Variants in RFX3 observed in about 807,000 individuals in gnomAD.
RFX3 encodes the protein regulatory factor X3, also known as transcription factor RFX3.
Under a neutral mutation model 98.6 loss-of-function variants are expected in RFX3, and 14 were observed. The ratio of observed to expected loss-of-function variants is 0.14; its 90% CI spans 0.09 to 0.22. The LOEUF (loss-of-function observed/expected upper bound fraction) is 0.22, where lower values mean the gene tolerates loss of function less well. Among genes scored for constraint, RFX3 ranks in the 10% least tolerant of loss-of-function variants. The pLI is 1.00. For missense variants in RFX3, 639 were observed against 926.9 expected, an observed-to-expected ratio of 0.69 and a Z score of 4.03; for synonymous variants, 383 against 328.4, an observed-to-expected ratio of 1.17 and a Z score of -1.80.
chr9:3,355,861 G>A (rs59203588), intron 2 of RFX3, among the ~76,000 whole-genome samples: 7,157 of 151,752 alleles, frequency 0.047, 514 homozygotes, highest in African/African-American at 0.15. Flanking sequence ...CATTAAATTC[G>A]AAATCGAGGA....
intron 2 of RFX3, among the ~76,000 whole-genome samples, chr9:3,365,415 A>T (rs1359315160): frequency 1.3e-5 from 2 of 152,200 alleles, no homozygotes; most frequent in Non-Finnish European, 2.9e-5. Flanking sequence ...ATACACTATA[A>T]ATTATACTCT....
At chr9:3,474,552 A>G (rs527750895) in intron 1 of RFX3, among the ~76,000 whole-genome samples, 1 of 152,310 alleles carries the variant, frequency 6.6e-6, no homozygotes, top group South Asian at 2.1e-4. Context: ...TTTTAAAATT[A>G]AAGTTAAAAG....
intron 3 of RFX3, among the ~76,000 whole-genome samples, chr9:3,338,945 C>T (rs71506635): frequency 0.17 from 26,294 of 151,612 alleles, 2,320 homozygotes; most frequent in Middle Eastern, 0.23. Context: ...AAAAATTAGC[C>T]GGGCGTGGTG....
At position 3,306,267 on chromosome 9, in the gene RFX3, C is replaced by G. The variant is rs1214165740; in HGVS notation, c.475-4647G>C. On this transcript the variant is annotated intron_variant, in intron 4 of 16. Transcript: ENST00000617270. ...ATTATATCCCCATAGCTTCATGCAA[C>G]AAAAATGATTAGGTTACGAGTCAGC... 4.6e-5 allele frequency among the ~76,000 whole-genome samples: 7 copies of G among 152,042 alleles called. No individual in the cohort carries two copies. The East Asian group carries it at 7.8e-4, about 17-fold the overall frequency.
chr9:3,468,425 G>C (rs1006920030), intron 1 of RFX3, among the ~76,000 whole-genome samples: 2 of 152,092 alleles, frequency 1.3e-5, no homozygotes, highest in Admixed American at 6.6e-5. Flanking sequence ...TCATGAATCT[G>C]CTCTACAATT....
At chr9:3,244,934 A>T (rs1406797675) in intron 15 of RFX3, among the ~76,000 whole-genome samples, 7 of 152,174 alleles carry the variant, frequency 4.6e-5, no homozygotes, top group Admixed American at 4.6e-4. Context: ...TGCACAATAA[A>T]AACTTGTTAA....
chr9:3,424,101 C>CA (rs1843723880), intron 1 of RFX3, among the ~76,000 whole-genome samples: 1 of 149,918 alleles, frequency 6.7e-6, no homozygotes, highest in Non-Finnish European at 1.5e-5. Flanking sequence ...GAGCTGAGAT[C>CA]GCGCCACTAC....
chr9:3,274,282 C>T (rs1213290731), intron 9 of RFX3, among the ~76,000 whole-genome samples: 1 of 152,158 alleles, frequency 6.6e-6, no homozygotes, highest in East Asian at 1.9e-4. Context: ...AGCTAAGAAC[C>T]TCTTACTGCA....
chr9:3,450,419 A>G (rs775321747), intron 1 of RFX3, among the ~76,000 whole-genome samples: 16 of 152,084 alleles, frequency 1.1e-4, no homozygotes, highest in Non-Finnish European at 1.9e-4. Context: ...TCTTTCCTTA[A>G]CAAAACATTC....
chr9:3,282,874 T>C (rs1183106218), intron 7 of RFX3, among the ~76,000 whole-genome samples: 1 of 151,786 alleles, frequency 6.6e-6, no homozygotes, highest in Non-Finnish European at 1.5e-5. Flanking sequence ...CAAAATTAAG[T>C]GGTCCTCAGT....
At chr9:3,516,747 T>C (rs1322980011) in intron 1 of RFX3, among the ~76,000 whole-genome samples, 1 of 152,206 alleles carries the variant, frequency 6.6e-6, no homozygotes, top group Non-Finnish European at 1.5e-5. Context: ...TCTCTCTCTC[T>C]GTTAAATTGC....
At chr9:3,432,505 C>G (rs1004475667) in intron 1 of RFX3, among the ~76,000 whole-genome samples, 3 of 152,152 alleles carry the variant, frequency 2.0e-5, no homozygotes, top group African/African-American at 7.2e-5. Flanking sequence ...GGACATAACT[C>G]TGCCCAGACT....
At chr9:3,521,049 T>C (rs1564201818) in intron 1 of RFX3, among the ~76,000 whole-genome samples, 2 of 152,198 alleles carry the variant, frequency 1.3e-5, no homozygotes, top group Non-Finnish European at 2.9e-5. Flanking sequence ...CATTTATTTT[T>C]CCAGTGGTTT....
intron 2 of RFX3, among the ~76,000 whole-genome samples, chr9:3,358,674 T>C (rs1688987227): frequency 6.6e-6 from 1 of 152,090 alleles, no homozygotes; most frequent in Admixed American, 6.6e-5. Flanking sequence ...TATTATCCAG[T>C]GTATCAGTTC....
At chr9:3,247,471 G>A in intron 15 of RFX3, 1 of 678,396 alleles carries the variant, frequency 1.5e-6, no homozygotes, top group South Asian at 5.5e-5. Flanking sequence ...GATGCTTATT[G>A]TAAAACAGAA....
intron 1 of RFX3, among the ~76,000 whole-genome samples, chr9:3,504,970 A>ATGT (rs1330635296): frequency 1.3e-5 from 1 of 79,476 alleles, no homozygotes; most frequent in African/African-American, 5.3e-5. Context: ...TATATAATAT[A>ATGT]TATTATATAA....
chr9:3,503,230 C>A (rs1816245260), intron 1 of RFX3, among the ~76,000 whole-genome samples: 1 of 152,002 alleles, frequency 6.6e-6, no homozygotes, highest in Non-Finnish European at 1.5e-5. Flanking sequence ...GGCATATTTG[C>A]AAGTATAATC....
rs200691543 is a variant in RFX3 at position 3,415,061 on chromosome 9, CAT to C, written c.-8-19467_-8-19466del. 5.9e-4 allele frequency among the ~76,000 whole-genome samples: 76 copies of C among 128,664 alleles called. No homozygotes were observed. The East Asian group carries it at 0.016, about 27-fold the overall frequency. 84.4% of individuals were successfully genotyped at this position (128,664 alleles called of 152,430 possible). A position where few individuals can be genotyped will look rare whatever the true frequency, so the allele number is the denominator to read the frequency against. Reference sequence around the variant, plus strand: ...TTATATATATACTTATATATATACTCATATATAAGTATATATATATTCTTATA... The same window carrying C: ...TTATATATATACTTATATATATACTCATATAAGTATATATATATTCTTATA... On this transcript the variant is annotated intron_variant, in intron 1 of 16. Transcript: ENST00000617270.
At chr9:3,387,862 G>A (rs564136606) in intron 2 of RFX3, among the ~76,000 whole-genome samples, 1 of 152,026 alleles carries the variant, frequency 6.6e-6, no homozygotes, top group Non-Finnish European at 1.5e-5. Flanking sequence ...TCAATGCTAG[G>A]ATTCACAGAA....
Sources: allele counts gnomAD v4.1 joint callset (sites outside exome capture counted in the v4.1 genomes callset), GRCh38; gene constraint gnomAD v4.1.1; transcripts MANE v1.5; gene names NCBI Gene and HGNC (gene_info 2026-07-23, HGNC 2026-07-21).